RALYL: variants seen among roughly 807,000 people sequenced by gnomAD.
The protein encoded by RALYL is RNA-binding Raly-like protein.
RALYL carries 29 observed loss-of-function variants against 35.1 expected under a neutral mutation model. That is an observed-to-expected ratio of 0.83 (90% CI 0.61 to 1.13). RALYL has a LOEUF of 1.13. RALYL is among the 50% of genes most tolerant of loss of function. RALYL has a pLI of 0.00. For synonymous variants in RALYL, 120 were observed against 127.6 expected (o/e 0.94, Z 0.40); for missense variants, 359 against 360.4 (o/e 1.00, Z 0.03).
intron 2 of RALYL, among the ~76,000 whole-genome samples, chr8:84,556,852 G>C (rs1469905234): frequency 6.6e-6 from 1 of 151,990 alleles, no homozygotes; most frequent in Admixed American, 6.6e-5. Context: ...TCTGAACACC[G>C]ACCACACCGA....
At chr8:84,322,552 C>T (rs1307051354) in intron 1 of RALYL, among the ~76,000 whole-genome samples, 1 of 152,050 alleles carries the variant, frequency 6.6e-6, no homozygotes, top group East Asian at 1.9e-4. Flanking sequence ...AGAATATGAG[C>T]AATTTGTAAG....
intron 1 of RALYL, among the ~76,000 whole-genome samples, chr8:84,428,106 TCACACACACACA>T (rs869249552): frequency 1.6e-5 from 2 of 127,340 alleles, no homozygotes; most frequent in East Asian, 4.7e-4. Context: ...TCTCTCTCTC[TCACACACACACA>T]CACACACACA....
At chr8:84,519,025 A>G (rs2134614994) in intron 1 of RALYL, among the ~76,000 whole-genome samples, 1 of 152,342 alleles carries the variant, frequency 6.6e-6, no homozygotes, top group Middle Eastern at 3.4e-3. Context: ...GTTTGATTCC[A>G]GTGAATATAC....
At chr8:84,814,045 C>T (rs192466339) in intron 4 of RALYL, among the ~76,000 whole-genome samples, 17 of 152,182 alleles carry the variant, frequency 1.1e-4, no homozygotes, top group African/African-American at 3.9e-4. Context: ...TGATGGTTTC[C>T]AGCTTCATCC....
rs371946376 is a variant in RALYL, at chr8:84,611,620, T to C, written c.256+82043T>C. ...CCCTAACTTATTGACTGGTTCACTCTATTAATATTTGTAAGTTAAATGAGT... is the reference window on the plus strand; with the variant it reads ...CCCTAACTTATTGACTGGTTCACTCCATTAATATTTGTAAGTTAAATGAGT... On this transcript the variant is annotated intron_variant, in intron 2 of 8. Coordinates refer to ENST00000521268, the MANE Select transcript of RALYL (RefSeq NM_173848.7). Among the ~76,000 whole-genome samples the C allele has an allele frequency of 7.2e-5, 11 of 152,314 alleles. No homozygotes were observed. In the East Asian group the frequency reaches 1.4e-3, roughly 19 times the overall value.
chr8:84,847,854 C>A (rs1834988088), intron 4 of RALYL, among the ~76,000 whole-genome samples: 1 of 152,112 alleles, frequency 6.6e-6, no homozygotes, highest in African/African-American at 2.4e-5. Flanking sequence ...AACCCAAACA[C>A]CATGTGTTCC....
intron 1 of RALYL, among the ~76,000 whole-genome samples, chr8:84,490,674 G>A (rs1334152275): frequency 1.3e-5 from 2 of 151,034 alleles, no homozygotes; most frequent in African/African-American, 2.4e-5. Flanking sequence ...ATATATTTTA[G>A]GATAAAAAAG....
At chr8:84,889,309 G>A (rs1023544557) in intron 8 of RALYL, among the ~76,000 whole-genome samples, 5 of 152,148 alleles carry the variant, frequency 3.3e-5, no homozygotes, top group African/African-American at 7.2e-5. Flanking sequence ...ATTCCATTGT[G>A]ACTACACTCC....
intron 8 of RALYL, among the ~76,000 whole-genome samples, chr8:84,897,939 A>C (rs116258801): frequency 4.3e-4 from 66 of 152,360 alleles, no homozygotes; most frequent in African/African-American, 1.5e-3. Context: ...AATCGGGTGT[A>C]GGAAGTGAGA....
chr8:84,825,246 G>A (rs957053526), intron 4 of RALYL, among the ~76,000 whole-genome samples: 13 of 152,036 alleles, frequency 8.6e-5, no homozygotes, highest in African/African-American at 3.1e-4. Context: ...ATGAGTAAAT[G>A]GTCATCATCA....
At chr8:84,887,927 A>C (rs1418504547) in intron 8 of RALYL, among the ~76,000 whole-genome samples, 151 bp downstream of exon 8, 2 of 152,284 alleles carry the variant, frequency 1.3e-5, no homozygotes, top group African/African-American at 2.4e-5. Context: ...TGCTTTGCAC[A>C]TAATAAGTGC....
At chr8:84,320,370 C>G (rs1844575102) in intron 1 of RALYL, among the ~76,000 whole-genome samples, 1 of 151,764 alleles carries the variant, frequency 6.6e-6, no homozygotes, top group African/African-American at 2.4e-5. Flanking sequence ...ATATGTATAT[C>G]TTTCTCACTA....
intron 1 of RALYL, among the ~76,000 whole-genome samples, chr8:84,357,249 G>GA (rs1188039717): frequency 1.3e-5 from 2 of 151,462 alleles, no homozygotes; most frequent in Non-Finnish European, 2.9e-5. Context: ...AAATTTCCAG[G>GA]AAAAAAAGGT....
intron 1 of RALYL, among the ~76,000 whole-genome samples, chr8:84,400,317 G>C (rs976945640): frequency 3.3e-5 from 5 of 152,134 alleles, no homozygotes; most frequent in African/African-American, 9.7e-5. Flanking sequence ...CCTGTCACTT[G>C]AGGTCAGGTG....
intron 2 of RALYL, among the ~76,000 whole-genome samples, chr8:84,680,439 T>G (rs1447656020): frequency 6.6e-6 from 1 of 152,172 alleles, no homozygotes; most frequent in East Asian, 1.9e-4. Flanking sequence ...ACTTCCACAA[T>G]GATTGAACTA....
At chr8:84,512,674 T>C (rs1197293586) in intron 1 of RALYL, among the ~76,000 whole-genome samples, 1 of 152,216 alleles carries the variant, frequency 6.6e-6, no homozygotes, top group African/African-American at 2.4e-5. Context: ...GTTTTACATA[T>C]ATTTATTTAA....
chr8:84,460,294 G>A (rs377581236), intron 1 of RALYL, among the ~76,000 whole-genome samples: 8 of 151,854 alleles, frequency 5.3e-5, no homozygotes, highest in African/African-American at 1.9e-4. Context: ...TCAACTTCAA[G>A]TGCAAATATC....
At chr8:84,364,104 A>T (rs1333966575) in intron 1 of RALYL, among the ~76,000 whole-genome samples, 1 of 152,148 alleles carries the variant, frequency 6.6e-6, no homozygotes, top group Non-Finnish European at 1.5e-5. Flanking sequence ...CATAAACCAC[A>T]AATGTTAGAC....
chr8:84,273,821 G>A (rs991723156), intron 1 of RALYL, among the ~76,000 whole-genome samples: 1 of 152,180 alleles, frequency 6.6e-6, no homozygotes, highest in Non-Finnish European at 1.5e-5. Context: ...TTTGTCTCAA[G>A]GGGAGGAATG....
Sources: gnomAD v4.1 joint callset for allele counts (sites outside exome capture counted in the v4.1 genomes callset) on GRCh38, gnomAD v4.1.1 for gene constraint, MANE v1.5 for transcripts, NCBI Gene and HGNC (gene_info 2026-07-23, HGNC 2026-07-21) for gene names.